The following PFKFB3 variants were observed in gnomAD, a reference collection of about 807,000 sequenced individuals.
The protein encoded by PFKFB3 is 6-phosphofructo-2-kinase/fructose-2,6-bisphosphatase 3.
Under a neutral mutation model 68.0 loss-of-function variants are expected in PFKFB3, and 33 were observed. The observed-to-expected ratio is 0.49, with a 90% confidence interval of 0.37 to 0.65. The LOEUF (loss-of-function observed/expected upper bound fraction) is 0.65. Ranked by LOEUF, PFKFB3 falls within the 30% of genes least tolerant of loss-of-function variation. The pLI is 0.00. For missense variants in PFKFB3, 586 were observed against 712.2 expected (o/e 0.82, Z 2.02); for synonymous variants, 315 against 288.2 (o/e 1.09, Z -0.94).
downstream of PFKFB3, among the ~76,000 whole-genome samples, chr10:6,259,621 C>CCACCCATCCATCCATCCGT (rs1227202482): frequency 5.3e-5 from 2 of 37,828 alleles, no homozygotes; most frequent in Non-Finnish European, 1.6e-4. Context: ...CATCCATCCA[C>CCACCCATCCATCCATCCGT]CCATCCATCC....
At position 6,206,575 on chromosome 10, in the gene PFKFB3, C is replaced by CG. The variant is rs1491105357; in HGVS notation, c.76+3239_76+3240insG. 1.1e-3 allele frequency among the ~76,000 whole-genome samples: 55 copies of CG among 50,992 alleles called. No homozygotes were observed. In the East Asian group the frequency reaches 0.085, roughly 79 times the overall value. 33.5% of individuals were successfully genotyped at this position (50,992 alleles called of 152,430 possible). A position where few individuals can be genotyped will look rare whatever the true frequency, so the allele number is the denominator to read the frequency against. On this transcript the variant is annotated intron_variant, in intron 1 of 14. Transcript: ENST00000379775. ...CTCCCGGACGGGGCGGCTGGCCGGG[C>CG]AGGGGCTGACCCCCCCACCTCCCTC...
At position 6,215,186 on chromosome 10, in the gene PFKFB3, T is replaced by A. The variant is rs1179787942; in HGVS notation, c.203-35T>A. The stretch of plus-strand genomic sequence containing the variant: ...GTGTGAGCTGGCCCCTTCCTCCTGC[T>A]CGATCATCCAGACTGTTCTCTTTCC... On this transcript the variant is annotated intron_variant, in intron 2 of 14. Transcript: ENST00000379775. The surrounding 1 kb of genome is among the most constrained non-coding windows in gnomAD (Gnocchi z 4.3). 6.3e-7 allele frequency: 1 copy of A among 1,587,292 alleles called. No individual in the cohort carries two copies. Among genetic ancestry groups the A allele is most frequent in the Non-Finnish European group, 8.7e-7 (1 of 1,156,014 alleles).
At chr10:6,320,461 CT>C in the PFKFB3 span, among the ~76,000 whole-genome samples, 6,532 of 145,120 alleles carry the variant, frequency 0.045, 433 homozygotes, top group African/African-American at 0.15. Flanking sequence ...TCTTCTTCTT[CT>C]TTTTTTTTTT....
chr10:6,206,547 C>T (rs1275747179), intron 1 of PFKFB3, among the ~76,000 whole-genome samples: 14 of 100,446 alleles, frequency 1.4e-4, no homozygotes, highest in South Asian at 1.1e-3. Flanking sequence ...AGGCGCCCCT[C>T]ACCTCCCGGA....
chr10:6,238,609 T>C (rs1237906359), downstream of PFKFB3, among the ~76,000 whole-genome samples: 1 of 151,930 alleles, frequency 6.6e-6, no homozygotes, highest in Non-Finnish European at 1.5e-5. Context: ...ATGTATAGAC[T>C]TGTTAAATAG....
At chr10:6,236,715 CCTTTCAGGCTGA>C (rs2132069572), downstream of PFKFB3, among the ~76,000 whole-genome samples, 1 of 152,342 alleles carries the variant, frequency 6.6e-6, no homozygotes, top group South Asian at 2.1e-4. Context: ...TCTGGCCTAG[CCTTTCAGGCTGA>C]CTACCCAGAA....
intron 13 of PFKFB3, 91 bp from the exon 14 acceptor site, chr10:6,226,101 A>G (rs1845329287): frequency 8.4e-7 from 1 of 1,192,868 alleles, no homozygotes; most frequent in Non-Finnish European, 1.2e-6. Context: ...GCCTCTCTAA[A>G]ATCCAGGAGC....
chr10:6,279,464 T>C, the PFKFB3 span, among the ~76,000 whole-genome samples: 1 of 152,228 alleles, frequency 6.6e-6, no homozygotes, highest in Non-Finnish European at 1.5e-5. Context: ...TTCCTGTTCA[T>C]CATATTATAA....
Position 6,220,770 on chromosome 10 carries a change from C to T in PFKFB3, c.736C>T (p.Pro246Ser). 1 of 1,614,088 alleles carries T rather than the reference C, an allele frequency of 6.2e-7. No individual in the cohort carries two copies. Among genetic ancestry groups the T allele is most frequent in the Non-Finnish European group, 8.5e-7 (1 of 1,180,026 alleles). The stretch of plus-strand genomic sequence containing the variant: ...CTACCTGATGAACATCCACGTGCAG[C>T]CGCGTACCATCTACCTGTGCCGGCA... Reference protein sequence around the residue: ...VYYLMNIHVQPRTIYLCRHGE... With the variant: ...VYYLMNIHVQSRTIYLCRHGE... The change falls in exon 8 of 15, where the codon CCG (proline) becomes TCG (serine). Residue 246 changes from proline (P) to serine (S), a missense_variant. Transcript: ENST00000379775. This position sits in a 1 kb window ranked among gnomAD's most constrained non-coding sequence, Gnocchi z 4.1.
chr10:6,262,283 T>C, the PFKFB3 span, among the ~76,000 whole-genome samples: 4 of 151,036 alleles, frequency 2.6e-5, no homozygotes, highest in South Asian at 2.1e-4. Context: ...TGAAACCCTG[T>C]CTCTACTAAA....
At chr10:6,178,508 G>A (rs1348414990) in intron 1 of PFKFB3, among the ~76,000 whole-genome samples, 1 of 152,150 alleles carries the variant, frequency 6.6e-6, no homozygotes, top group African/African-American at 2.4e-5. Flanking sequence ...GCTCAGAGGG[G>A]ACTTGGGTCA....
In PFKFB3 at chr10:6,220,672, T is replaced by G; in HGVS notation, c.638T>G (p.Ile213Ser). 1 of 1,613,872 alleles carries G rather than the reference T, an allele frequency of 6.2e-7. No individual in the cohort carries two copies. The highest frequency in any genetic ancestry group is 8.5e-7 in the Non-Finnish European group (1 of 1,180,008). Residue 213 changes from isoleucine to serine, a missense_variant, in exon 8 of 15, where the codon ATC (isoleucine) becomes AGC (serine). Coordinates refer to ENST00000379775, the MANE Select transcript of PFKFB3 (RefSeq NM_004566.4). The surrounding 1 kb of genome is among the most constrained non-coding windows in gnomAD (Gnocchi z 4.1). ...TCTCTCTGCAGGGACTTGTCGCTGA[T>G]CAAGGTGATTGACGTGGGCCGGAGG... ...PDKCDRDLSL[I>S]KVIDVGRRFL...
At chr10:6,318,077 C>T in the PFKFB3 span, among the ~76,000 whole-genome samples, 1 of 152,114 alleles carries the variant, frequency 6.6e-6, no homozygotes, top group Non-Finnish European at 1.5e-5. Flanking sequence ...GACACCATGC[C>T]CCCTCCACCC....
chr10:6,225,941 T>C (rs1370306334), intron 13 of PFKFB3, among the ~76,000 whole-genome samples: 1 of 152,172 alleles, frequency 6.6e-6, no homozygotes, highest in Admixed American at 6.5e-5. Context: ...AGCACCGTGT[T>C]TGTCTGTGTG....
At chr10:6,324,582 A>G in the PFKFB3 span, among the ~76,000 whole-genome samples, 1 of 152,100 alleles carries the variant, frequency 6.6e-6, no homozygotes, top group Non-Finnish European at 1.5e-5. Context: ...ACCCGCCACC[A>G]CGACCAGCTA....
At chr10:6,304,177 C>T in the PFKFB3 span, among the ~76,000 whole-genome samples, 1 of 152,170 alleles carries the variant, frequency 6.6e-6, no homozygotes, top group African/African-American at 2.4e-5. Context: ...AGATTGTTTA[C>T]TTACTGCAGT....
the PFKFB3 span, among the ~76,000 whole-genome samples, chr10:6,268,820 G>A: frequency 3.3e-5 from 5 of 151,228 alleles, no homozygotes; most frequent in Non-Finnish European, 5.9e-5. Context: ...CCAGGAGTTC[G>A]AGACCAGCCT....
rs1019851202 is a variant in PFKFB3, at chr10:6,234,908, G to A, written c.*1966G>A. ...GGACTTTTAGTTTGCGAAGGGCCTAGATAGGGAGAGAGGTAACATGAATCT... is the reference window on the plus strand; with the variant it reads ...GGACTTTTAGTTTGCGAAGGGCCTAAATAGGGAGAGAGGTAACATGAATCT... On this transcript the variant is annotated 3_prime_UTR_variant, in exon 15 of 15. Coordinates refer to ENST00000379775, the MANE Select transcript of PFKFB3 (RefSeq NM_004566.4). The A allele has an allele frequency of 1.3e-5, 2 of 152,108 alleles. No individual in the cohort carries two copies. Among genetic ancestry groups the A allele is most frequent in the African/African-American group, 2.4e-5 (1 of 41,278 alleles). The allele number at this position is 152,108 out of a possible 1,614,324, so 9.4% of individuals were successfully genotyped here.
chr10:6,243,240 T>C (rs1353226373), intron 14 of PFKFB3, among the ~76,000 whole-genome samples: 1 of 152,224 alleles, frequency 6.6e-6, no homozygotes, highest in African/African-American at 2.4e-5. Context: ...ACAACCATGT[T>C]GTAATCCTCG....
Sources: allele counts gnomAD v4.1 joint callset (sites outside exome capture counted in the v4.1 genomes callset), GRCh38; gene constraint gnomAD v4.1.1; non-coding constraint Gnocchi (gnomAD v3.1); transcripts MANE v1.5; gene names NCBI Gene and HGNC (gene_info 2026-07-23, HGNC 2026-07-21).